ZNF420: variants seen among roughly 807,000 people sequenced by gnomAD.
The protein encoded by ZNF420 is ATM and p53-associated KZNF protein.
A neutral mutation model predicts 44.7 loss-of-function variants in ZNF420; 31 were observed. The observed-to-expected ratio is 0.69, with a 90% CI of 0.52 to 0.94. ZNF420 has a LOEUF of 0.94. Ranked by LOEUF, ZNF420 falls within the 40% of genes least tolerant of loss-of-function variation. The pLI is 0.00. For missense variants in ZNF420, 681 were observed against 827.9 expected, an observed-to-expected ratio of 0.82 and a Z score of 2.18; for synonymous variants, 245 against 267.4, an observed-to-expected ratio of 0.92 and a Z score of 0.82.
chr19:37,121,981 G>A (rs201977373), intron 4 of ZNF420, among the ~76,000 whole-genome samples: 76,569 of 151,980 alleles, frequency 0.5, 19,965 homozygotes, highest in African/African-American at 0.58. Flanking sequence ...TGGAGAGGAT[G>A]TGGAGAAATA....
intron 4 of ZNF420, chr19:37,096,017 T>G (rs1054331473): frequency 1.3e-5 from 2 of 152,370 alleles, no homozygotes; most frequent in Non-Finnish European, 2.9e-5. Flanking sequence ...TACTGACAAT[T>G]ATTTTTTTCT....
chr19:37,069,052 C>T (rs1009247089), intron 1 of ZNF420, among the ~76,000 whole-genome samples: 2 of 152,102 alleles, frequency 1.3e-5, no homozygotes, highest in Admixed American at 6.5e-5. Flanking sequence ...GAGATACAAT[C>T]AGTAAGATTA....
intron 1 of ZNF420, among the ~76,000 whole-genome samples, chr19:37,062,795 G>A (rs1333755145): frequency 6.6e-6 from 1 of 152,134 alleles, no homozygotes; most frequent in Non-Finnish European, 1.5e-5. Flanking sequence ...GATGGCCAAG[G>A]TAGGGGATGG....
At chr19:37,034,825 C>G (rs1289926526) in intron 1 of ZNF420, among the ~76,000 whole-genome samples, 1 of 152,076 alleles carries the variant, frequency 6.6e-6, no homozygotes, top group Non-Finnish European at 1.5e-5. Context: ...GCAAGACACA[C>G]AAGTGTTCTA....
At chr19:37,112,601 C>G (rs1970440627) in intron 4 of ZNF420, among the ~76,000 whole-genome samples, 2 of 152,218 alleles carry the variant, frequency 1.3e-5, no homozygotes, top group Non-Finnish European at 2.9e-5. Context: ...ACACACAGGT[C>G]TGCTCTCTGA....
In ZNF420 at chr19:37,128,454, C is replaced by T; in HGVS notation, c.1463C>T (p.Ser488Phe). 1 of 1,614,078 alleles carries T rather than the reference C, an allele frequency of 6.2e-7. No individual in the cohort carries two copies. The highest frequency in any genetic ancestry group is 8.5e-7 in the Non-Finnish European group (1 of 1,179,964). ...TGTGGGAAATCTTTTATTCGTGGTT[C>T]CCAGCTTACTCAACATCAGAGAATC... The part of the protein sequence containing the change: ...KECGKSFIRG[S>F]QLTQHQRIHT... The change falls in exon 5 of 5, where the codon TCC becomes TTC. Residue 488 changes from serine (S) to phenylalanine (F), a missense_variant. Transcript: ENST00000337995.
rs374848136 is a variant in ZNF420 at position 37,129,082 on chromosome 19, T to G, written c.*24T>G. The G allele has an allele frequency of 1.3e-6, 2 of 1,587,708 alleles. No individual in the cohort carries two copies. The highest frequency in any genetic ancestry group is 1.7e-6 in the Non-Finnish European group (2 of 1,163,926). On this transcript the variant is annotated 3_prime_UTR_variant, in exon 5 of 5. Transcript: ENST00000337995. ...GAATTGTCTGATTATTTGAGATCAC[T>G]ATGAAGAGGTTCTCTGGTTGTTAGC...
At chr19:37,052,805 C>G (rs563355231) in intron 1 of ZNF420, among the ~76,000 whole-genome samples, 279 of 152,244 alleles carry the variant, frequency 1.8e-3, no homozygotes, top group Non-Finnish European at 3.2e-3. Flanking sequence ...TTTTTTCCTT[C>G]ATTTCAACTT....
At chr19:37,071,217 A>G (rs575722237) in intron 1 of ZNF420, among the ~76,000 whole-genome samples, 1 of 152,334 alleles carries the variant, frequency 6.6e-6, no homozygotes, top group Admixed American at 6.5e-5. Flanking sequence ...TAAAAACTGT[A>G]ATATAGTCAA....
chr19:37,119,805 C>G (rs945826876), intron 4 of ZNF420, among the ~76,000 whole-genome samples: 9 of 152,166 alleles, frequency 5.9e-5, no homozygotes, highest in African/African-American at 2.2e-4. Context: ...ACCACCAATC[C>G]CACAGAAATA....
At chr19:37,060,575 C>G (rs1461804381) in intron 1 of ZNF420, among the ~76,000 whole-genome samples, 1 of 151,450 alleles carries the variant, frequency 6.6e-6, no homozygotes, top group Non-Finnish European at 1.5e-5. Flanking sequence ...TCATGGAGAT[C>G]CATGTTCTGA....
At chr19:37,048,247 C>T (rs1967575508) in intron 1 of ZNF420, among the ~76,000 whole-genome samples, 1 of 152,086 alleles carries the variant, frequency 6.6e-6, no homozygotes, top group South Asian at 2.1e-4. Flanking sequence ...ATTTCATTTT[C>T]TGCATTACTT....
intron 2 of ZNF420, among the ~76,000 whole-genome samples, chr19:37,087,995 C>G (rs987588399): frequency 6.6e-6 from 1 of 152,060 alleles, no homozygotes; most frequent in Non-Finnish European, 1.5e-5. Context: ...TAGAGATTAC[C>G]CAACTTTTTC....
chr19:37,099,655 G>C (rs997757203), intron 4 of ZNF420, among the ~76,000 whole-genome samples: 3 of 151,832 alleles, frequency 2.0e-5, no homozygotes, highest in African/African-American at 7.3e-5. Context: ...ATGGAGTCTC[G>C]CTCTGTCACC....
At chr19:37,111,511 C>T (rs1970385013) in intron 4 of ZNF420, 1 of 152,174 alleles carries the variant, frequency 6.6e-6, no homozygotes, top group African/African-American at 2.4e-5. Flanking sequence ...AGGTTTGAAT[C>T]TTACCAGATG....
At chr19:37,125,998 A>G (rs572077603) in intron 4 of ZNF420, among the ~76,000 whole-genome samples, 85 of 152,230 alleles carry the variant, frequency 5.6e-4, no homozygotes, top group Middle Eastern at 3.4e-3. Context: ...TCCCCCTCTT[A>G]GCTTTTTCTA....
chr19:37,095,736 T>C (rs919257711), intron 4 of ZNF420, among the ~76,000 whole-genome samples: 1 of 152,108 alleles, frequency 6.6e-6, no homozygotes, highest in Admixed American at 6.6e-5. Flanking sequence ...GTAGCTGGGA[T>C]TACAGGCGCC....
intron 1 of ZNF420, among the ~76,000 whole-genome samples, chr19:37,036,309 A>G (rs1967353778): frequency 6.6e-6 from 1 of 152,246 alleles, no homozygotes; most frequent in South Asian, 2.1e-4. Context: ...TTTGATCACT[A>G]CATATTGTAT....
intron 1 of ZNF420, among the ~76,000 whole-genome samples, chr19:37,035,135 T>C (rs1967330015): frequency 6.6e-6 from 1 of 152,204 alleles, no homozygotes; most frequent in Non-Finnish European, 1.5e-5. Flanking sequence ...GAATATTAGC[T>C]GTGTAATGAG....
Sources: gnomAD v4.1 joint callset for allele counts (sites outside exome capture counted in the v4.1 genomes callset) on GRCh38, gnomAD v4.1.1 for gene constraint, MANE v1.5 for transcripts, NCBI Gene and HGNC (gene_info 2026-07-23, HGNC 2026-07-21) for gene names.